The following TMEM223 variants were observed in gnomAD, a reference collection of about 807,000 sequenced individuals.
TMEM223 encodes the protein transmembrane protein 223.
In TMEM223, 14 loss-of-function variants were observed where a neutral mutation model predicts 14.1. The observed-to-expected ratio is 0.99, with a 90% CI of 0.66 to 1.55. The LOEUF is 1.55. TMEM223 is among the 40% of genes most tolerant of loss of function. The pLI is 0.00. For missense variants in TMEM223, 346 were observed against 269.9 expected (o/e 1.28, Z -1.97); for synonymous variants, 145 against 120.5 (o/e 1.20, Z -1.33).
rs549862357 is a variant in TMEM223, at chr11:62,776,601, A to G, written c.315-1936T>C. Reference sequence around the variant, plus strand: ...CATGGTGGCTCATGCCTGTAATCCCAGCACTTTGGGAGGCCGAGGTGGGCG... The same window carrying G: ...CATGGTGGCTCATGCCTGTAATCCCGGCACTTTGGGAGGCCGAGGTGGGCG... On this transcript the variant is annotated intron_variant, in intron 1 of 2. Coordinates refer to the TMEM223 transcript ENST00000528367. 37 of 887,322 alleles carry G rather than the reference A, an allele frequency of 4.2e-5. No homozygotes were observed. In the East Asian group the frequency reaches 1.1e-3, roughly 27 times the overall value. The allele number at this position is 887,322 out of a possible 1,614,324, so 55.0% of individuals were successfully genotyped here.
At chr11:62,778,640 A>T in intron 1 of TMEM223, 1 of 611,028 alleles carries the variant, frequency 1.6e-6, no homozygotes, top group East Asian at 2.7e-5. Context: ...AGCTCTCAGG[A>T]GTCCGTCTGG....
intron 2 of TMEM223, among the ~76,000 whole-genome samples, chr11:62,772,340 G>A (rs569094494): frequency 3.0e-4 from 45 of 151,978 alleles, no homozygotes; most frequent in African/African-American, 9.7e-4. Flanking sequence ...TGGGCAACAC[G>A]GTGAAACCTC....
intron 1 of TMEM223, 106 bp downstream of exon 1, chr11:62,791,573 G>A (rs914688012): frequency 2.8e-4 from 378 of 1,331,360 alleles, no homozygotes; most frequent in Non-Finnish European, 3.6e-4. Context: ...GGTAAAGCCC[G>A]CCCGCCACTC....
intron 1 of TMEM223, chr11:62,781,678 A>AAAAT (rs1554997115): frequency 0.052 from 23,929 of 461,314 alleles, 1,224 homozygotes; most frequent in African/African-American, 0.18. Context: ...AAAAAAAAAA[A>AAAAT]GTTGGACATT....
downstream of TMEM223, chr11:62,787,100 C>G (rs1412493204): frequency 9.7e-6 from 15 of 1,544,572 alleles, no homozygotes; most frequent in Non-Finnish European, 1.3e-5. Context: ...CGCGGCGCCC[C>G]GCACTTTCGT....
chr11:62,778,656 G>A, intron 1 of TMEM223: 2 of 612,958 alleles, frequency 3.3e-6, no homozygotes, highest in East Asian at 2.7e-5. Flanking sequence ...TCTGGCAGAG[G>A]GTGGGTGGAA....
intron 1 of TMEM223, among the ~76,000 whole-genome samples, chr11:62,780,526 C>T (rs377711193): frequency 4.6e-5 from 7 of 151,710 alleles, no homozygotes; most frequent in African/African-American, 1.2e-4. Context: ...AAAAAGATCA[C>T]GCTGCTGCAC....
intron 1 of TMEM223, among the ~76,000 whole-genome samples, chr11:62,777,596 A>C (rs1229268477): frequency 6.6e-6 from 1 of 152,208 alleles, no homozygotes; most frequent in Non-Finnish European, 1.5e-5. Flanking sequence ...GAGCCTGAGC[A>C]ACAGTGTGGG....
chr11:62,782,774 G>C, downstream of TMEM223: 1 of 1,613,464 alleles, frequency 6.2e-7, no homozygotes, highest in Non-Finnish European at 8.5e-7. Context: ...CTGTGCGGCC[G>C]CTCTGCTGCC....
At chr11:62,787,051 G>C (rs1418708505), downstream of TMEM223, 24 of 1,521,930 alleles carry the variant, frequency 1.6e-5, no homozygotes, top group Non-Finnish European at 2.0e-5. Flanking sequence ...CCCCGGGACC[G>C]GCACCCGCGA....
chr11:62,790,022 T>C lies in TMEM223; in HGVS notation c.*601A>G, dbSNP rs148248132. On this transcript the variant is annotated 3_prime_UTR_variant, in exon 2 of 2. Coordinates refer to ENST00000307366, the MANE Select transcript of TMEM223 (RefSeq NM_001080501.3). ...TGGAGCTCTGAGACAGATGCTCTCG[T>C]TGGGTCACGCCTTTCCCATTCCTGA... is the stretch of plus-strand genomic sequence containing the variant. 7 of 1,613,436 alleles carry C rather than the reference T, an allele frequency of 4.3e-6. No homozygotes were observed. In the African/African-American group the frequency reaches 8.0e-5, roughly 18 times the overall value.
intron 1 of TMEM223, chr11:62,778,372 AT>A: frequency 6.2e-7 from 1 of 1,612,960 alleles, no homozygotes. Flanking sequence ...CTTTGGATGA[AT>A]TTTCTCCCTT....
At chr11:62,781,332 G>A (rs989410989) in intron 1 of TMEM223, among the ~76,000 whole-genome samples, 1 of 151,530 alleles carries the variant, frequency 6.6e-6, no homozygotes, top group African/African-American at 2.4e-5. Flanking sequence ...AAAAACCTAA[G>A]TGGTATTATA....
chr11:62,774,940 C>T (rs2084174903), intron 1 of TMEM223, among the ~76,000 whole-genome samples: 2 of 151,262 alleles, frequency 1.3e-5, no homozygotes. Context: ...TGGCAGGTAC[C>T]TGTAATCCCA....
At chr11:62,781,469 C>T (rs1012080908) in intron 1 of TMEM223, among the ~76,000 whole-genome samples, 2 of 151,646 alleles carry the variant, frequency 1.3e-5, no homozygotes, top group Non-Finnish European at 2.9e-5. Flanking sequence ...GTCAGGAGAT[C>T]GCGACCATCC....
downstream of TMEM223, chr11:62,789,767 G>A (rs774127515): frequency 6.6e-7 from 1 of 1,515,812 alleles, no homozygotes; most frequent in Admixed American, 2.1e-5. Flanking sequence ...TGGCCTACCA[G>A]TGAGAGGAGC....
At chr11:62,787,125 G>A (rs750879557), downstream of TMEM223, 2 of 1,558,830 alleles carry the variant, frequency 1.3e-6, no homozygotes, top group Non-Finnish European at 1.7e-6. Context: ...TCATAGCCGG[G>A]CGGCAGGCTG....
At chr11:62,789,195 T>C (rs1183011528), downstream of TMEM223, 8 of 1,614,050 alleles carry the variant, frequency 5.0e-6, no homozygotes, top group Admixed American at 8.3e-5. Flanking sequence ...AGCAGCTGCA[T>C]CGAGGACTCC....
Position 62,790,677 on chromosome 11 carries a change from G to C in TMEM223, c.555C>G (p.His185Gln). The C allele has an allele frequency of 6.2e-7, 1 of 1,612,446 alleles. No individual in the cohort carries two copies. The highest frequency in any genetic ancestry group is 8.5e-7 in the Non-Finnish European group (1 of 1,179,148). ...RFYFLLDKTG[H>Q]FPNTKLFDNT... ...TGTCAAAGAGTTTTGTGTTAGGGAA[G>C]TGTCCAGTTTTGTCCAAGAGGAAAT... The change falls in exon 2 of 2, where the codon CAC becomes CAG. Residue 185 changes from histidine to glutamine, a missense_variant. Coordinates refer to ENST00000307366, the MANE Select transcript of TMEM223 (RefSeq NM_001080501.3).
Sources: gnomAD v4.1 joint callset for allele counts (sites outside exome capture counted in the v4.1 genomes callset) on GRCh38, gnomAD v4.1.1 for gene constraint, MANE v1.5 for transcripts, NCBI Gene and HGNC (gene_info 2026-07-23, HGNC 2026-07-21) for gene names.